COBLL1: variants seen among roughly 807,000 people sequenced by gnomAD.
COBLL1 encodes the protein cordon-bleu WH2 repeat protein like 1.
In COBLL1, 50 loss-of-function variants were observed where a neutral mutation model predicts 94.8. That is an observed-to-expected ratio of 0.53 (90% CI 0.42 to 0.67). COBLL1 has a LOEUF of 0.67. Ranked by LOEUF, COBLL1 falls within the 30% of genes least tolerant of loss-of-function variation. COBLL1 has a pLI of 0.00. For synonymous variants in COBLL1, 448 were observed against 473.8 expected (o/e 0.95, Z 0.71); for missense variants, 1,362 against 1,348.7 (o/e 1.01, Z -0.15).
At chr2:164,718,130 T>G (rs1185243904) in intron 7 of COBLL1, 1 of 403,280 alleles carries the variant, frequency 2.5e-6, no homozygotes, top group Admixed American at 6.4e-5. Context: ...GTGTGACACA[T>G]TCTCATTGTA....
At chr2:164,818,137 T>C (rs1684873927) in intron 2 of COBLL1, among the ~76,000 whole-genome samples, 1 of 151,462 alleles carries the variant, frequency 6.6e-6, no homozygotes, top group Non-Finnish European at 1.5e-5. Flanking sequence ...TATATGTACA[T>C]GTATATGTAC....
chr2:164,832,895 T>C (rs1683140177), intron 2 of COBLL1, among the ~76,000 whole-genome samples: 1 of 151,880 alleles, frequency 6.6e-6, no homozygotes, highest in South Asian at 2.1e-4. Context: ...AATACAAAAT[T>C]AGCCGGGTAT....
rs749016831 is a variant in COBLL1, at chr2:164,728,051, A to G, written c.579T>C (p.Tyr193=). 5.0e-6 allele frequency: 8 copies of G among 1,613,682 alleles called. No homozygotes were observed. In the Admixed American group the frequency reaches 1.2e-4, roughly 24 times the overall value. Residue 193 remains tyrosine, a synonymous_variant, in exon 5 of 14, where the codon TAT becomes TAC. Transcript: ENST00000652658. ...TCAAGTCAAGAGGCTCCTGCGATTG[A>G]TAATCTTTCAACAATAGTGTATGCA... ...DPLHTLLLKD[Y]QSQEPLDLTK...
Position 164,694,633 on chromosome 2 carries a change from C to T in COBLL1, c.2759G>A (p.Ser920Asn), listed in dbSNP as rs1558925192. The stretch of plus-strand genomic sequence containing the variant: ...TTGTGGAACAGAGTGAGGCATTTTA[C>T]TTAAGGGAGAAAGAGTCTGCTCCGG... ...PSPEQTLSPLSKMPHSVPQPL... is the reference protein window; with the variant it reads ...PSPEQTLSPLNKMPHSVPQPL... The change falls in exon 12 of 14, where the codon AGT becomes AAT. Residue 920 changes from serine to asparagine, a missense_variant. Ser to Asn is a conservative substitution (Grantham distance 46). Transcript: ENST00000652658. The T allele has an allele frequency of 6.2e-7, 1 of 1,613,850 alleles. No homozygotes were observed. Among genetic ancestry groups the T allele is most frequent in the Admixed American group, 1.7e-5 (1 of 59,932 alleles).
chr2:164,725,059 A>G (rs979683180), intron 5 of COBLL1: 3 of 146,438 alleles, frequency 2.0e-5, no homozygotes, highest in Non-Finnish European at 4.5e-5. Flanking sequence ...TATCACTCTG[A>G]GCCCTTTTTC....
intron 2 of COBLL1, among the ~76,000 whole-genome samples, chr2:164,831,735 T>C (rs1683087125): frequency 6.6e-6 from 1 of 152,214 alleles, no homozygotes; most frequent in African/African-American, 2.4e-5. Flanking sequence ...ATACAGGTAT[T>C]GTCCTATAAG....
chr2:164,725,381 G>A (rs1685675213), intron 5 of COBLL1, among the ~76,000 whole-genome samples: 1 of 151,814 alleles, frequency 6.6e-6, no homozygotes, highest in Admixed American at 6.6e-5. Context: ...AAATTCATAT[G>A]GTTGTGCAAT....
At position 164,692,304 on chromosome 2, in the gene COBLL1, A is replaced by G. The variant is rs1430679722; in HGVS notation, c.3217T>C (p.Phe1073Leu). The change falls in exon 13 of 14, where the codon TTC becomes CTC. Residue 1073 changes from phenylalanine (F) to leucine (L), a missense_variant. Phe to Leu is a conservative substitution (Grantham distance 22). Transcript: ENST00000652658. ...FTVMRQSSLT[F>L]QSSDPEQMRQ... ...ATCTGTTCTGGGTCAGAGCTTTGGA[A>G]TGTTAAAGAACTTTGTCTCATAACA... is the stretch of plus-strand genomic sequence containing the variant. 3 of 1,613,520 alleles carry G rather than the reference A, an allele frequency of 1.9e-6. No individual in the cohort carries two copies. In the Admixed American group the frequency reaches 5.0e-5, roughly 27 times the overall value.
chr2:164,802,656 G>T (rs1683871338), intron 2 of COBLL1, among the ~76,000 whole-genome samples: 1 of 152,198 alleles, frequency 6.6e-6, no homozygotes, highest in Admixed American at 6.5e-5. Flanking sequence ...TTTAGATATA[G>T]AAAATCTGTA....
In COBLL1 at chr2:164,696,081, G is replaced by A. The variant is rs1248490672; in HGVS notation, c.1556-245C>T. On this transcript the variant is annotated intron_variant, in intron 11 of 13. Coordinates refer to ENST00000652658, the MANE Select transcript of COBLL1 (RefSeq NM_001365672.2). ...CCACAACATGTTAATTAACCCCTTT[G>A]AGCCTCAGTTTGCTCAGACATAAAA... The A allele has an allele frequency of 1.5e-5, 6 of 387,708 alleles. No individual in the cohort carries two copies. The East Asian group carries it at 2.7e-4, about 17-fold the overall frequency. The allele number at this position is 387,708 out of a possible 1,614,324, so 24.0% of individuals were successfully genotyped here. A position where few individuals can be genotyped will look rare whatever the true frequency, so the allele number is the denominator to read the frequency against.
At chr2:164,778,393 G>T (rs893399338) in intron 2 of COBLL1, among the ~76,000 whole-genome samples, 2 of 152,154 alleles carry the variant, frequency 1.3e-5, no homozygotes, top group African/African-American at 4.8e-5. Flanking sequence ...GATCACTTGA[G>T]GTCAGGAGTT....
intron 1 of COBLL1, among the ~76,000 whole-genome samples, chr2:164,670,472 T>A (rs929508931): frequency 1.3e-5 from 2 of 152,218 alleles, no homozygotes; most frequent in Non-Finnish European, 2.9e-5. Flanking sequence ...AATAGCAATC[T>A]TATTGCTCAC....
intron 3 of COBLL1, among the ~76,000 whole-genome samples, chr2:164,733,516 T>G (rs1215884471): frequency 6.6e-6 from 1 of 152,220 alleles, no homozygotes; most frequent in East Asian, 1.9e-4. Flanking sequence ...AATTCTTTAT[T>G]CAATAATTTC....
Position 164,841,800 on chromosome 2 carries a change from C to G in COBLL1, c.-141G>C, listed in dbSNP as rs368366591. ...TTCCCCGGCCCGCGCTCTTGCCGCTCGGCTCTCAAGCCAGGACTTGAATGG... is the reference window on the plus strand; with the variant it reads ...TTCCCCGGCCCGCGCTCTTGCCGCTGGGCTCTCAAGCCAGGACTTGAATGG... On this transcript the variant is annotated 5_prime_UTR_variant, in exon 1 of 14. Transcript: ENST00000652658. The surrounding 1 kb of genome is among the most constrained non-coding windows in gnomAD (Gnocchi z 5.5). 4 of 582,402 alleles carry G rather than the reference C, an allele frequency of 6.9e-6. No homozygotes were observed. In the African/African-American group the frequency reaches 8.0e-5, roughly 12 times the overall value. 36.1% of individuals were successfully genotyped at this position (582,402 alleles called of 1,614,324 possible).
chr2:164,660,807 G>A (rs985710871), intron 2 of COBLL1, among the ~76,000 whole-genome samples: 3 of 152,072 alleles, frequency 2.0e-5, no homozygotes, highest in Non-Finnish European at 2.9e-5. Context: ...CATAGCTCTT[G>A]AATAATACTA....
chr2:164,788,958 T>C (rs1683022570), intron 2 of COBLL1, among the ~76,000 whole-genome samples: 1 of 151,726 alleles, frequency 6.6e-6, no homozygotes, highest in Admixed American at 6.6e-5. Flanking sequence ...AATTTCTGAA[T>C]TTCAGAGGTA....
intron 7 of COBLL1, among the ~76,000 whole-genome samples, chr2:164,714,154 A>AACAC (rs10563101): frequency 1.4e-3 from 212 of 148,470 alleles, no homozygotes; most frequent in East Asian, 9.3e-3. Context: ...AATAGAAAGA[A>AACAC]ACACACACAC....
intron 2 of COBLL1, among the ~76,000 whole-genome samples, chr2:164,762,535 T>C (rs1687732808): frequency 6.6e-6 from 1 of 152,222 alleles, no homozygotes; most frequent in African/African-American, 2.4e-5. Flanking sequence ...GTCTCAGCTG[T>C]CTCGTTTAAT....
At chr2:164,672,114 G>C (rs1128249) in intron 1 of COBLL1, among the ~76,000 whole-genome samples, 2 of 151,978 alleles carry the variant, frequency 1.3e-5, no homozygotes, top group Admixed American at 6.5e-5. Flanking sequence ...TCTTTGCATA[G>C]AGATGAACAC....
Sources: allele counts gnomAD v4.1 joint callset (sites outside exome capture counted in the v4.1 genomes callset), GRCh38; gene constraint gnomAD v4.1.1; non-coding constraint Gnocchi (gnomAD v3.1); transcripts MANE v1.5; gene names NCBI Gene and HGNC (gene_info 2026-07-23, HGNC 2026-07-21).